Variants in INVS observed in about 807,000 individuals in gnomAD.
The protein encoded by INVS is inversin, also known as inversion of embryo turning homolog.
A neutral mutation model predicts 108.8 loss-of-function variants in INVS; 86 were observed. The observed-to-expected ratio is 0.79, with a 90% confidence interval of 0.66 to 0.95. INVS has a LOEUF of 0.95. INVS is among the 40% of genes least tolerant of loss of function. INVS has a pLI of 0.00. For missense variants in INVS, 1,169 were observed against 1,297.4 expected (o/e 0.90, Z 1.52); for synonymous variants, 455 against 473.5 (o/e 0.96, Z 0.51).
chr9:100,203,819 A>C (rs72733341), intron 3 of INVS, among the ~76,000 whole-genome samples: 1 of 152,054 alleles, frequency 6.6e-6, no homozygotes, highest in Non-Finnish European at 1.5e-5. Flanking sequence ...ATTCACATGT[A>C]ATGTTGTGTA....
chr9:100,195,587 A>G (rs556120155), intron 3 of INVS, among the ~76,000 whole-genome samples: 2 of 152,168 alleles, frequency 1.3e-5, no homozygotes, highest in South Asian at 4.1e-4. Context: ...TTCCAGGTTC[A>G]AGCAATTCTC....
chr9:100,255,704 GA>G (rs1421877280), intron 10 of INVS, among the ~76,000 whole-genome samples: 5 of 152,160 alleles, frequency 3.3e-5, no homozygotes, highest in Non-Finnish European at 7.3e-5. Flanking sequence ...CTGTCTATAT[GA>G]TGGATTACAT....
chr9:100,124,325 T>A (rs1016901077), intron 2 of INVS, among the ~76,000 whole-genome samples: 12 of 152,120 alleles, frequency 7.9e-5, no homozygotes, highest in South Asian at 2.1e-4. Context: ...TTTACCCTTC[T>A]TTTTGATATA....
chr9:100,228,699 C>A (rs1831413525), intron 4 of INVS, among the ~76,000 whole-genome samples: 1 of 152,148 alleles, frequency 6.6e-6, no homozygotes, highest in South Asian at 2.1e-4. Context: ...GGGTTAAAAT[C>A]TCAGTTCAGC....
intron 3 of INVS, among the ~76,000 whole-genome samples, chr9:100,160,113 C>T (rs1829120971): frequency 6.6e-6 from 1 of 152,270 alleles, no homozygotes; most frequent in Non-Finnish European, 1.5e-5. Context: ...ATGAAGAGAA[C>T]CTTGAAACAA....
At chr9:100,175,599 C>T in intron 3 of INVS, 1 of 690,566 alleles carries the variant, frequency 1.4e-6, no homozygotes, top group Non-Finnish European at 2.7e-6. Context: ...TAAGAGGTGG[C>T]AGAAAAACAG....
chr9:100,241,608 G>GT (rs918616451), intron 6 of INVS, among the ~76,000 whole-genome samples: 4 of 152,074 alleles, frequency 2.6e-5, no homozygotes, highest in Non-Finnish European at 5.9e-5. Flanking sequence ...CCTATAGTAT[G>GT]TTTTTTTGTA....
At chr9:100,271,759 A>G (rs1320577463) in intron 11 of INVS, among the ~76,000 whole-genome samples, 1 of 152,146 alleles carries the variant, frequency 6.6e-6, no homozygotes, top group African/African-American at 2.4e-5. Flanking sequence ...GTTAAGAGCT[A>G]TTAGTACTCT....
intron 10 of INVS, among the ~76,000 whole-genome samples, chr9:100,258,286 T>C (rs188112938): frequency 6.6e-6 from 1 of 152,330 alleles, no homozygotes. Context: ...ATGCTTTTTA[T>C]TCTAGTTAGC....
At chr9:100,291,838 AAGGT>A (rs1291951451) in intron 13 of INVS, among the ~76,000 whole-genome samples, 1 of 152,182 alleles carries the variant, frequency 6.6e-6, no homozygotes, top group Non-Finnish European at 1.5e-5. Flanking sequence ...TTATTTCCAA[AAGGT>A]ATATCCCTTC....
intron 3 of INVS, among the ~76,000 whole-genome samples, chr9:100,222,503 T>C (rs1831183361): frequency 6.6e-6 from 1 of 152,180 alleles, no homozygotes. Flanking sequence ...TCAATGAATA[T>C]TTGTTGAATG....
chr9:100,252,879 C>T (rs1466898921), intron 9 of INVS, 28 bp from the exon 10 acceptor site: 1 of 1,478,668 alleles, frequency 6.8e-7, no homozygotes, highest in Non-Finnish European at 9.4e-7. Flanking sequence ...TTATATTAGA[C>T]ATTCTCATTA....
intron 4 of INVS, among the ~76,000 whole-genome samples, chr9:100,228,247 T>C (rs534669189): frequency 3.9e-4 from 60 of 152,296 alleles, no homozygotes; most frequent in Admixed American, 3.1e-3. Context: ...CGCCTCGATC[T>C]CCCAAAGTGC....
chr9:100,264,093 T>C (rs1261240410), intron 10 of INVS, among the ~76,000 whole-genome samples: 3 of 152,230 alleles, frequency 2.0e-5, no homozygotes, highest in South Asian at 2.1e-4. Context: ...TTTAACACTA[T>C]GAAGTGTCCC....
At chr9:100,120,132 G>A (rs1194758551) in intron 2 of INVS, among the ~76,000 whole-genome samples, 4 of 152,200 alleles carry the variant, frequency 2.6e-5, no homozygotes, top group Non-Finnish European at 5.9e-5. Context: ...GGAGCCCTGT[G>A]TGGTGGCTTA....
intron 3 of INVS, among the ~76,000 whole-genome samples, chr9:100,146,097 C>T (rs1359013576): frequency 6.6e-6 from 1 of 152,128 alleles, no homozygotes; most frequent in African/African-American, 2.4e-5. Flanking sequence ...CCCCCCGATC[C>T]GAGTCACAGC....
rs73656955 is a variant in INVS, at chr9:100,175,925, T to G, written c.273+49376T>G. The G allele has an allele frequency of 4.7e-3, 2,757 of 582,704 alleles. 52 individuals are homozygous for G. In the African/African-American group the frequency reaches 0.048, roughly 10 times the overall value. 36.1% of individuals were successfully genotyped at this position (582,704 alleles called of 1,614,324 possible). A position where few individuals can be genotyped will look rare whatever the true frequency, so the allele number is the denominator to read the frequency against. On this transcript the variant is annotated intron_variant, in intron 3 of 16. Transcript: ENST00000262457. ...TCCAGCAAATTCTTCTCTCAGTGAC[T>G]TGGAGGCTGCCTTGGAAACTGCTGA...
chr9:100,153,680 C>A (rs1478454561), intron 3 of INVS, among the ~76,000 whole-genome samples: 1 of 152,118 alleles, frequency 6.6e-6, no homozygotes, highest in Non-Finnish European at 1.5e-5. Flanking sequence ...TTATTTCTCC[C>A]AATTCTGGAG....
chr9:100,190,917 G>A (rs1830200992), intron 3 of INVS, among the ~76,000 whole-genome samples: 1 of 151,792 alleles, frequency 6.6e-6, no homozygotes, highest in South Asian at 2.1e-4. Flanking sequence ...CTGGAATGCA[G>A]TGGCATGATC....
Sources: gnomAD v4.1 joint callset for allele counts (sites outside exome capture counted in the v4.1 genomes callset) on GRCh38, gnomAD v4.1.1 for gene constraint, MANE v1.5 for transcripts, NCBI Gene and HGNC (gene_info 2026-07-23, HGNC 2026-07-21) for gene names.